Variants in VRK1 observed in about 807,000 individuals in gnomAD.
VRK1 encodes VRK serine/threonine kinase 1, also known as serine/threonine-protein kinase VRK1.
In VRK1, 33 loss-of-function variants were observed where a neutral mutation model predicts 57.1. The observed-to-expected ratio is 0.58, with a 90% CI of 0.44 to 0.77. VRK1 has a LOEUF of 0.77. Among genes scored for constraint, VRK1 ranks in the 30% least tolerant of loss-of-function variants. The pLI is 0.00. For missense variants in VRK1, 413 were observed against 477.3 expected, an observed-to-expected ratio of 0.87 and a Z score of 1.25; for synonymous variants, 137 against 147.8, an observed-to-expected ratio of 0.93 and a Z score of 0.53.
chr14:96,816,328 C>A (rs1355910191), intron 1 of VRK1, among the ~76,000 whole-genome samples: 3 of 152,130 alleles, frequency 2.0e-5, no homozygotes, highest in Non-Finnish European at 4.4e-5. Flanking sequence ...CTACAAAATA[C>A]TTAGCCAAAA....
chr14:96,834,149 C>A lies in VRK1; in HGVS notation c.160+518C>A, dbSNP rs73357320. Among the ~76,000 whole-genome samples, 348 of 152,146 alleles carry A rather than the reference C, an allele frequency of 2.3e-3. 1 individual carries two copies. Among genetic ancestry groups the A allele is most frequent in the African/African-American group, 7.9e-3 (328 of 41,510 alleles). On this transcript the variant is annotated intron_variant, in intron 2 of 12. Coordinates refer to ENST00000216639, the MANE Select transcript of VRK1 (RefSeq NM_003384.3). ...ACTTATTCTGAAATTTTTGGGGACC[C>A]GTTGTGGAATCCTGAAATTATGTTA...
At chr14:96,841,315 A>G (rs1327913887) in intron 3 of VRK1, among the ~76,000 whole-genome samples, 1 of 152,186 alleles carries the variant, frequency 6.6e-6, no homozygotes, top group Non-Finnish European at 1.5e-5. Flanking sequence ...TATAGTTAAG[A>G]AAAAACATGG....
intron 10 of VRK1, among the ~76,000 whole-genome samples, chr14:96,860,311 G>A (rs953933803): frequency 3.3e-5 from 5 of 151,602 alleles, no homozygotes; most frequent in African/African-American, 9.7e-5. Flanking sequence ...TACATTTTAA[G>A]TTGTCTTGTT....
intron 4 of VRK1, 41 bp from the exon 5 acceptor site, chr14:96,847,216 G>T (rs775622415): frequency 6.6e-7 from 1 of 1,526,148 alleles, no homozygotes; most frequent in South Asian, 1.1e-5. Flanking sequence ...TATCATTTAT[G>T]TATAACAATT....
intron 1 of VRK1, among the ~76,000 whole-genome samples, chr14:96,815,965 G>A (rs184333205): frequency 3.2e-4 from 48 of 152,158 alleles, no homozygotes; most frequent in Admixed American, 1.1e-3. Context: ...TTTGGTCTCC[G>A]AGTACCACTT....
chr14:96,827,564 A>G (rs1350822723), intron 1 of VRK1, among the ~76,000 whole-genome samples: 1 of 151,740 alleles, frequency 6.6e-6, no homozygotes, highest in African/African-American at 2.4e-5. Flanking sequence ...GAACTACCCT[A>G]CCGCTCAGTG....
At chr14:96,801,441 G>T (rs1885658149) in intron 1 of VRK1, among the ~76,000 whole-genome samples, 1 of 152,204 alleles carries the variant, frequency 6.6e-6, no homozygotes, top group African/African-American at 2.4e-5. Context: ...CACAGGGAGA[G>T]AAACTGTTAA....
At chr14:96,853,430 G>T (rs1888028406) in intron 7 of VRK1, among the ~76,000 whole-genome samples, 1 of 152,012 alleles carries the variant, frequency 6.6e-6, no homozygotes, top group African/African-American at 2.4e-5. Flanking sequence ...GCTATTTGGG[G>T]GTGGAAGCTT....
At chr14:96,840,896 C>A (rs867447412) in intron 3 of VRK1, among the ~76,000 whole-genome samples, 1 of 150,300 alleles carries the variant, frequency 6.7e-6, no homozygotes, top group African/African-American at 2.5e-5. Context: ...CATCCTGTTG[C>A]CTGGGCTGGA....
intron 12 of VRK1, among the ~76,000 whole-genome samples, chr14:96,879,973 A>T (rs1056889955): frequency 9.2e-5 from 14 of 151,972 alleles, no homozygotes; most frequent in African/African-American, 3.4e-4. Context: ...TGAAATAAAA[A>T]CCTAAAAATC....
At chr14:96,839,185 C>T (rs983885369) in intron 3 of VRK1, among the ~76,000 whole-genome samples, 1 of 150,072 alleles carries the variant, frequency 6.7e-6, no homozygotes, top group African/African-American at 2.5e-5. Flanking sequence ...TTCTTATGCT[C>T]AGCATAACGT....
At chr14:96,799,456 C>T (rs1211989415) in intron 1 of VRK1, among the ~76,000 whole-genome samples, 4 of 151,046 alleles carry the variant, frequency 2.6e-5, no homozygotes, top group Non-Finnish European at 5.9e-5. Flanking sequence ...AAAAGCATCC[C>T]TAATAAGATA....
chr14:96,797,447 G>A lies in VRK1; in HGVS notation c.-6G>A, dbSNP rs913982928. ...AGAACGCGACGGGTCTGCGGCTTAG[G>A]GTAGGGAGGCCGCAGGCGACACGGC... On this transcript the variant is annotated splice_region_variant and 5_prime_UTR_variant, in exon 1 of 13. The change creates a new upstream start codon in the 5' untranslated region. Transcript: ENST00000216639. 6.6e-6 allele frequency: 1 copy of A among 152,184 alleles called. No homozygotes were observed. Among genetic ancestry groups the A allele is most frequent in the African/African-American group, 2.4e-5 (1 of 41,434 alleles). 9.4% of individuals were successfully genotyped at this position (152,184 alleles called of 1,614,324 possible).
chr14:96,848,045 G>C (rs1479079535), intron 5 of VRK1, among the ~76,000 whole-genome samples: 1 of 152,184 alleles, frequency 6.6e-6, no homozygotes, highest in African/African-American at 2.4e-5. Flanking sequence ...TTGACGGGTA[G>C]ATTTAGTTTG....
chr14:96,875,865 T>G (rs1330875334), intron 11 of VRK1, among the ~76,000 whole-genome samples, 165 bp from the exon 12 acceptor site: 1 of 152,174 alleles, frequency 6.6e-6, no homozygotes, highest in Non-Finnish European at 1.5e-5. Context: ...CCTCATCCAT[T>G]CCTTTAGGTA....
chr14:96,825,082 G>C (rs1886751577), intron 1 of VRK1, among the ~76,000 whole-genome samples: 2 of 152,176 alleles, frequency 1.3e-5, no homozygotes, highest in African/African-American at 4.8e-5. Context: ...GAGAAGGTTG[G>C]AGGGGATGGG....
At position 96,856,595 on chromosome 14, in the gene VRK1, T is replaced by C. The variant is rs1257886278; in HGVS notation, c.889+9T>C. 1 of 1,611,650 alleles carries C rather than the reference T, an allele frequency of 6.2e-7. No individual in the cohort carries two copies. Among genetic ancestry groups the C allele is most frequent in the Middle Eastern group, 1.7e-4 (1 of 6,060 alleles). The stretch of plus-strand genomic sequence containing the variant: ...TGAGAAAAACAAACCAGGTAGGAAA[T>C]GACTTCTTCAGTGTTAATAGGGATT... On this transcript the variant is annotated intron_variant, in intron 10 of 12. Coordinates refer to ENST00000216639, the MANE Select transcript of VRK1 (RefSeq NM_003384.3).
At chr14:96,821,603 T>C (rs375884828) in intron 1 of VRK1, among the ~76,000 whole-genome samples, 4 of 152,350 alleles carry the variant, frequency 2.6e-5, no homozygotes, top group African/African-American at 9.6e-5. Context: ...TTGTAATAAC[T>C]GGTAGCTGTT....
At chr14:96,842,257 C>A (rs866080143) in intron 3 of VRK1, among the ~76,000 whole-genome samples, 31 of 152,180 alleles carry the variant, frequency 2.0e-4, no homozygotes, top group African/African-American at 6.8e-4. Context: ...CCATAGAGAG[C>A]AGGCCCACTC....
Sources: gnomAD v4.1 joint callset for allele counts (sites outside exome capture counted in the v4.1 genomes callset) on GRCh38, gnomAD v4.1.1 for gene constraint, MANE v1.5 for transcripts, NCBI Gene and HGNC (gene_info 2026-07-23, HGNC 2026-07-21) for gene names.